Variants in DLGAP2 observed in about 807,000 individuals in gnomAD.
DLGAP2 encodes the protein DLG associated protein 2, also known as disks large-associated protein 2.
DLGAP2 carries 26 observed loss-of-function variants against 100.3 expected under a neutral mutation model. The ratio of observed to expected loss-of-function variants is 0.26; its 90% CI spans 0.19 to 0.36. The LOEUF is 0.36. Ranked by LOEUF, DLGAP2 falls within the 10% of genes least tolerant of loss-of-function variation. The pLI, the probability that DLGAP2 is intolerant of heterozygous loss-of-function variation, is 1.00. For missense variants in DLGAP2, 1,858 were observed against 1,453.2 expected, an observed-to-expected ratio of 1.28 and a Z score of -4.53; for synonymous variants, 886 against 630.1, an observed-to-expected ratio of 1.41 and a Z score of -6.08.
chr8:1,649,180 A>G (rs556080023), intron 8 of DLGAP2, among the ~76,000 whole-genome samples: 1 of 152,248 alleles, frequency 6.6e-6, no homozygotes, highest in Non-Finnish European at 1.5e-5. Flanking sequence ...AATGCTATAT[A>G]TCAAAAATAT....
intron 3 of DLGAP2, among the ~76,000 whole-genome samples, chr8:1,361,229 G>C (rs753158197): frequency 6.6e-6 from 1 of 152,140 alleles, no homozygotes; most frequent in Admixed American, 6.5e-5. Flanking sequence ...TGGTCCCTGC[G>C]GCAAGGTGAC....
At chr8:1,051,150 A>G (rs986307675) in intron 2 of DLGAP2, among the ~76,000 whole-genome samples, 5 of 152,008 alleles carry the variant, frequency 3.3e-5, no homozygotes, top group African/African-American at 1.2e-4. Flanking sequence ...GACAGGGCAC[A>G]AGGGGAGCAG....
chr8:1,380,937 CAAAAAAAAAAAA>C (rs34675828), intron 3 of DLGAP2: 4 of 77,110 alleles, frequency 5.2e-5, no homozygotes, highest in South Asian at 5.9e-4. Flanking sequence ...GAACATGATT[CAAAAAAAAAAAA>C]AAAAAAAAAA....
At chr8:1,440,206 C>G (rs1273900240) in intron 3 of DLGAP2, among the ~76,000 whole-genome samples, 5 of 152,192 alleles carry the variant, frequency 3.3e-5, no homozygotes, top group African/African-American at 1.2e-4. Context: ...AAATATAAAA[C>G]AGACATAGCC....
chr8:1,231,763 A>G (rs1202899261), intron 2 of DLGAP2, among the ~76,000 whole-genome samples: 1 of 152,142 alleles, frequency 6.6e-6, no homozygotes, highest in African/African-American at 2.4e-5. Context: ...ATTTGGAAGT[A>G]TGGATATAAT....
chr8:1,264,631 A>G (rs1331659715), intron 3 of DLGAP2, among the ~76,000 whole-genome samples: 1 of 152,120 alleles, frequency 6.6e-6, no homozygotes, highest in Non-Finnish European at 1.5e-5. Flanking sequence ...AAAATCACAA[A>G]CTATGTACAC....
At chr8:934,674 C>T (rs1004960210) in intron 2 of DLGAP2, among the ~76,000 whole-genome samples, 5 of 152,026 alleles carry the variant, frequency 3.3e-5, no homozygotes, top group African/African-American at 9.7e-5. Context: ...TGCGGAAACT[C>T]ATCCTGCTTC....
Position 1,549,061 on chromosome 8 carries a change from A to C in DLGAP2, c.608A>C (p.His203Pro). The change falls in exon 5 of 15, where the codon CAC becomes CCC. Residue 203 changes from histidine to proline, a missense_variant. Physicochemically the swap from His to Pro is moderately conservative, Grantham distance 77 (BLOSUM62 -2). Transcript: ENST00000637795. ...CAGTTCGAGAAGCAGCTGCCGCTGC[A>C]CCGGGACGGCTTCCACACGCTGCAG... The part of the protein sequence containing the change: ...LDQFEKQLPL[H>P]RDGFHTLQYQ... 1.9e-6 allele frequency: 3 copies of C among 1,590,312 alleles called. No individual in the cohort carries two copies. Among genetic ancestry groups the C allele is most frequent in the Non-Finnish European group, 1.7e-6 (2 of 1,172,570 alleles).
intron 2 of DLGAP2, among the ~76,000 whole-genome samples, chr8:1,104,487 C>T (rs1398374976): frequency 3.3e-5 from 5 of 152,116 alleles, no homozygotes; most frequent in Admixed American, 6.5e-5. Flanking sequence ...TAGGGGTGGG[C>T]GTGTAAAACC....
At chr8:957,147 C>A (rs1156389162) in intron 2 of DLGAP2, among the ~76,000 whole-genome samples, 1 of 152,194 alleles carries the variant, frequency 6.6e-6, no homozygotes, top group Non-Finnish European at 1.5e-5. Flanking sequence ...GGGAATGAGG[C>A]CTTTAGCTGG....
In DLGAP2 at chr8:738,287, G is replaced by T. The variant is rs893515461; in HGVS notation, c.18+462G>T. ...CCCAAGCCCGGGTGGAAACGCCGAC[G>T]GGGACTGGGAATGAATGAAGGGTGC... On this transcript the variant is annotated intron_variant, in intron 1 of 14. Transcript: ENST00000637795. Among the ~76,000 whole-genome samples, 3 of 151,880 alleles carry T rather than the reference G, an allele frequency of 2.0e-5. No homozygotes were observed. The East Asian group carries it at 5.8e-4, about 30-fold the overall frequency.
intron 2 of DLGAP2, among the ~76,000 whole-genome samples, chr8:959,366 G>A (rs765020517): frequency 1.3e-5 from 2 of 152,326 alleles, no homozygotes; most frequent in Non-Finnish European, 2.9e-5. Flanking sequence ...GCCAGGCAGG[G>A]CTGGGTCCCT....
At chr8:1,668,044 G>A (rs890578467) in intron 8 of DLGAP2, among the ~76,000 whole-genome samples, 4 of 151,870 alleles carry the variant, frequency 2.6e-5, no homozygotes, top group South Asian at 4.2e-4. Flanking sequence ...TGGATTTGTC[G>A]GTATTTTTAA....
chr8:1,463,647 G>A (rs1237377660), intron 3 of DLGAP2, among the ~76,000 whole-genome samples: 6 of 152,312 alleles, frequency 3.9e-5, no homozygotes, highest in East Asian at 1.9e-4. Context: ...GGAGGCGGTC[G>A]GGATACCCAA....
chr8:877,272 A>C (rs1019557642), intron 1 of DLGAP2, among the ~76,000 whole-genome samples: 16 of 152,128 alleles, frequency 1.1e-4, no homozygotes, highest in African/African-American at 3.6e-4. Context: ...TGCCAGTGAT[A>C]GTGGTCCTTC....
chr8:1,503,889 G>A (rs894029708), intron 4 of DLGAP2, among the ~76,000 whole-genome samples: 4 of 152,158 alleles, frequency 2.6e-5, no homozygotes, highest in African/African-American at 9.7e-5. Flanking sequence ...TACGTGGGTG[G>A]AGGACTCTGG....
intron 2 of DLGAP2, among the ~76,000 whole-genome samples, chr8:1,215,795 CTATATGGGTTCATT>C (rs1798200308): frequency 5.4e-5 from 7 of 129,060 alleles, no homozygotes; most frequent in Admixed American, 3.7e-4. Flanking sequence ...GTCCAGGTAC[CTATATGGGTTCATT>C]TCGGTGCATC....
intron 2 of DLGAP2, among the ~76,000 whole-genome samples, chr8:923,138 A>C (rs1798748400): frequency 6.6e-6 from 1 of 152,188 alleles, no homozygotes; most frequent in Non-Finnish European, 1.5e-5. Context: ...AGCAAACCAC[A>C]GGTTATCCGG....
chr8:1,577,186 T>G (rs1370012707), intron 6 of DLGAP2, among the ~76,000 whole-genome samples: 1 of 152,208 alleles, frequency 6.6e-6, no homozygotes, highest in Non-Finnish European at 1.5e-5. Flanking sequence ...ATAGCTGTGT[T>G]AATTCACTTC....
Sources: gnomAD v4.1 joint callset for allele counts (sites outside exome capture counted in the v4.1 genomes callset) on GRCh38, gnomAD v4.1.1 for gene constraint, MANE v1.5 for transcripts, NCBI Gene and HGNC (gene_info 2026-07-23, HGNC 2026-07-21) for gene names.